SAMD4A: variants seen among roughly 807,000 people sequenced by gnomAD.
The protein encoded by SAMD4A is sterile alpha motif domain containing 4A.
In SAMD4A, 33 loss-of-function variants were observed where a neutral mutation model predicts 81.3. The ratio of observed to expected loss-of-function variants is 0.41; its 90% CI spans 0.31 to 0.54. The LOEUF is 0.54. Ranked by LOEUF, SAMD4A falls within the 20% of genes least tolerant of loss-of-function variation. The pLI is 0.37. For synonymous variants in SAMD4A, 389 were observed against 382.1 expected (o/e 1.02, Z -0.21); for missense variants, 854 against 951.1 (o/e 0.90, Z 1.34).
intron 4 of SAMD4A, among the ~76,000 whole-genome samples, chr14:54,741,099 C>T (rs774300447): frequency 1.3e-5 from 2 of 152,152 alleles, no homozygotes; most frequent in Non-Finnish European, 2.9e-5. Context: ...TGTGTTTGTT[C>T]ATTTCAAAAA....
chr14:54,573,821 G>C (rs1372530155), intron 2 of SAMD4A, among the ~76,000 whole-genome samples: 1 of 152,192 alleles, frequency 6.6e-6, no homozygotes, highest in African/African-American at 2.4e-5. Flanking sequence ...CGAGGCTTGG[G>C]CCTTGCTCTG....
intron 2 of SAMD4A, among the ~76,000 whole-genome samples, chr14:54,603,424 A>G (rs2034113776): frequency 6.6e-6 from 1 of 152,234 alleles, no homozygotes; most frequent in Non-Finnish European, 1.5e-5. Context: ...TGAGCTGTCT[A>G]GTGACTCAAC....
At chr14:54,738,212 G>A (rs1386402924) in intron 4 of SAMD4A, among the ~76,000 whole-genome samples, 2 of 152,190 alleles carry the variant, frequency 1.3e-5, no homozygotes, top group African/African-American at 2.4e-5. Context: ...GAGGTTTGCT[G>A]TTTCCGATCT....
intron 3 of SAMD4A, among the ~76,000 whole-genome samples, chr14:54,726,542 T>C (rs1041059208): frequency 2.0e-5 from 3 of 152,178 alleles, no homozygotes; most frequent in African/African-American, 4.8e-5. Context: ...AGGCATCTTA[T>C]TAAGACCAGC....
intron 2 of SAMD4A, among the ~76,000 whole-genome samples, chr14:54,632,124 C>G (rs1228607711): frequency 6.6e-6 from 1 of 152,058 alleles, no homozygotes; most frequent in East Asian, 1.9e-4. Flanking sequence ...CTACCACAGC[C>G]CCACTACAAA....
Position 54,784,523 on chromosome 14 carries a change from T to G in SAMD4A, c.2045-14T>G. The G allele has an allele frequency of 6.2e-7, 1 of 1,614,080 alleles. No individual in the cohort carries two copies. Among genetic ancestry groups the G allele is most frequent in the Non-Finnish European group, 8.5e-7 (1 of 1,179,978 alleles). On this transcript the variant is annotated splice_polypyrimidine_tract_variant and intron_variant, in intron 11 of 12. Coordinates refer to ENST00000554335, the MANE Select transcript of SAMD4A (RefSeq NM_015589.6). ...CTCCTCCTTGTCACCAACATAACCC[T>G]TTATCGCCTGCAGAATTCCAGCTTC...
Position 54,776,406 on chromosome 14 carries a change from C to G in SAMD4A, c.1918-8C>G, listed in dbSNP as rs1441931542. 6.3e-7 allele frequency: 1 copy of G among 1,586,168 alleles called. No individual in the cohort carries two copies. The highest frequency in any genetic ancestry group is 1.2e-5 in the South Asian group (1 of 86,376). ...ACTAACAAGTTCCCCTTTTGCTTTT[C>G]TCACCAGAACCTGTGGTTTGCCAAC... On this transcript the variant is annotated splice_region_variant and splice_polypyrimidine_tract_variant and intron_variant, in intron 10 of 12. Transcript: ENST00000554335.
intron 8 of SAMD4A, among the ~76,000 whole-genome samples, chr14:54,768,668 C>G (rs1566629560): frequency 1.3e-5 from 2 of 152,230 alleles, no homozygotes; most frequent in East Asian, 1.9e-4. Context: ...TCGTGTGTAG[C>G]TGGACATGCA....
chr14:54,656,823 G>A (rs542876561), intron 2 of SAMD4A, among the ~76,000 whole-genome samples: 24 of 152,098 alleles, frequency 1.6e-4, no homozygotes, highest in Admixed American at 1.2e-3. Context: ...GAGACAGGAT[G>A]GTCTCGATCT....
chr14:54,681,515 G>A (rs2036127740), intron 2 of SAMD4A, among the ~76,000 whole-genome samples: 1 of 151,948 alleles, frequency 6.6e-6, no homozygotes. Context: ...TAGCAGCCTT[G>A]AACTCCCTGA....
At chr14:54,604,264 G>T (rs948741635) in intron 2 of SAMD4A, among the ~76,000 whole-genome samples, 12 of 152,174 alleles carry the variant, frequency 7.9e-5, no homozygotes, top group African/African-American at 2.9e-4. Context: ...CAAGAATGGT[G>T]GCTTCCCACA....
At chr14:54,682,148 T>C (rs1313081035) in intron 2 of SAMD4A, 3 of 738,400 alleles carry the variant, frequency 4.1e-6, no homozygotes, top group Non-Finnish European at 3.3e-6. Flanking sequence ...ATGTTTGGGA[T>C]TGTGGGGAGT....
intron 2 of SAMD4A, among the ~76,000 whole-genome samples, chr14:54,658,573 C>G (rs1054573831): frequency 6.6e-6 from 1 of 152,184 alleles, no homozygotes; most frequent in African/African-American, 2.4e-5. Context: ...ACATCCTGCT[C>G]CAAGTAGCCA....
At chr14:54,772,625 A>G (rs998078441) in intron 9 of SAMD4A, among the ~76,000 whole-genome samples, 7 of 152,178 alleles carry the variant, frequency 4.6e-5, no homozygotes, top group African/African-American at 1.7e-4. Context: ...TGGAAACACA[A>G]ATCATTTTAG....
chr14:54,630,908 A>ATATGTGTGTG (rs1051037883), intron 2 of SAMD4A, among the ~76,000 whole-genome samples: 2 of 144,380 alleles, frequency 1.4e-5, no homozygotes, highest in African/African-American at 5.2e-5. Flanking sequence ...TGTATTTTAT[A>ATATGTGTGTG]TGTGTGTGTG....
In SAMD4A at chr14:54,790,223, G is replaced by C. The variant is rs1403345148; in HGVS notation, c.*1279G>C. 1 of 152,404 alleles carries C rather than the reference G, an allele frequency of 6.6e-6. No homozygotes were observed. The highest frequency in any genetic ancestry group is 2.4e-5 in the African/African-American group (1 of 41,440). 9.4% of individuals were successfully genotyped at this position (152,404 alleles called of 1,614,324 possible). On this transcript the variant is annotated 3_prime_UTR_variant, in exon 13 of 13. Transcript: ENST00000554335. ...GAGGGGAGAAAGGCCCAGCAACAGC[G>C]TACAGAGGGGTCAGTCAGCAAGTCC...
At chr14:54,637,536 A>G (rs1266629781) in intron 2 of SAMD4A, among the ~76,000 whole-genome samples, 1 of 152,166 alleles carries the variant, frequency 6.6e-6, no homozygotes, top group African/African-American at 2.4e-5. Context: ...CTGAGAGGCC[A>G]AGCAAGAAGA....
intron 3 of SAMD4A, among the ~76,000 whole-genome samples, chr14:54,731,958 A>T (rs576781572): frequency 6.6e-6 from 1 of 152,374 alleles, no homozygotes; most frequent in South Asian, 2.1e-4. Flanking sequence ...TTCAAAACAC[A>T]TAGTGACAGC....
At chr14:54,660,042 C>T (rs2035605346) in intron 2 of SAMD4A, among the ~76,000 whole-genome samples, 2 of 151,870 alleles carry the variant, frequency 1.3e-5, no homozygotes. Flanking sequence ...GATCGCCCCA[C>T]TGCACTCTAG....
Sources: allele counts gnomAD v4.1 joint callset (sites outside exome capture counted in the v4.1 genomes callset), GRCh38; gene constraint gnomAD v4.1.1; transcripts MANE v1.5; gene names NCBI Gene and HGNC (gene_info 2026-07-23, HGNC 2026-07-21).